Variants in GRM3 observed in about 807,000 individuals in gnomAD.
The protein encoded by GRM3 is metabotropic glutamate receptor 3.
GRM3 carries 26 observed loss-of-function variants against 70.5 expected under a neutral mutation model. That is an observed-to-expected ratio of 0.37 (90% CI 0.27 to 0.51). The LOEUF (loss-of-function observed/expected upper bound fraction) is 0.51. GRM3 is among the 20% of genes least tolerant of loss of function. The pLI is 0.93. For synonymous variants in GRM3, 443 were observed against 434.9 expected, an observed-to-expected ratio of 1.02 and a Z score of -0.23; for missense variants, 859 against 1,123.8, an observed-to-expected ratio of 0.76 and a Z score of 3.37.
chr7:86,822,655 T>C (rs1356932150), intron 3 of GRM3, among the ~76,000 whole-genome samples: 2 of 152,172 alleles, frequency 1.3e-5, no homozygotes, highest in Non-Finnish European at 1.5e-5. Flanking sequence ...CCAGATTGTG[T>C]GGGACTGTGA....
intron 3 of GRM3, among the ~76,000 whole-genome samples, chr7:86,821,200 T>C (rs1798113221): frequency 6.6e-6 from 1 of 152,052 alleles, no homozygotes. Context: ...AGAGAAAGAT[T>C]ATGTCATAAA....
At chr7:86,785,618 G>T (rs1439088657) in intron 2 of GRM3, among the ~76,000 whole-genome samples, 1 of 148,374 alleles carries the variant, frequency 6.7e-6, no homozygotes, top group Non-Finnish European at 1.5e-5. Flanking sequence ...GAAAATATTG[G>T]TCAAGATTTT....
At chr7:86,698,286 G>C (rs1253277494) in intron 1 of GRM3, among the ~76,000 whole-genome samples, 1 of 151,938 alleles carries the variant, frequency 6.6e-6, no homozygotes, top group African/African-American at 2.4e-5. Context: ...TTAATAGTCT[G>C]AGAGTAAAGG....
chr7:86,814,398 C>T (rs1348748150), intron 3 of GRM3, among the ~76,000 whole-genome samples: 1 of 151,678 alleles, frequency 6.6e-6, no homozygotes, highest in Non-Finnish European at 1.5e-5. Context: ...CCTCCCAAGT[C>T]CCCAGAGTCC....
intron 4 of GRM3, among the ~76,000 whole-genome samples, chr7:86,846,604 T>C (rs973554236): frequency 6.6e-6 from 1 of 152,160 alleles, no homozygotes; most frequent in African/African-American, 2.4e-5. Context: ...AGAGAAGAGT[T>C]AACAACAGCC....
At chr7:86,807,791 G>A (rs1797826896) in intron 3 of GRM3, among the ~76,000 whole-genome samples, 1 of 152,056 alleles carries the variant, frequency 6.6e-6, no homozygotes. Flanking sequence ...TGTTGAATAC[G>A]AGTGGTGAGA....
chr7:86,837,402 C>T (rs1232987862), intron 3 of GRM3, among the ~76,000 whole-genome samples: 1 of 152,090 alleles, frequency 6.6e-6, no homozygotes, highest in Non-Finnish European at 1.5e-5. Context: ...GAATGAAGCT[C>T]GCAGGGGAGG....
At chr7:86,696,920 T>C (rs912402562) in intron 1 of GRM3, among the ~76,000 whole-genome samples, 5 of 152,210 alleles carry the variant, frequency 3.3e-5, no homozygotes, top group Admixed American at 2.0e-4. Context: ...TGCTCTACTA[T>C]TCTGGCTCTC....
intron 1 of GRM3, among the ~76,000 whole-genome samples, chr7:86,652,080 C>T (rs1217880930): frequency 1.3e-5 from 2 of 152,138 alleles, no homozygotes; most frequent in Admixed American, 6.5e-5. Context: ...TACTTCACGA[C>T]CTTGTCTAAG....
chr7:86,848,395 G>A (rs1798695985), intron 4 of GRM3, among the ~76,000 whole-genome samples: 4 of 152,120 alleles, frequency 2.6e-5, no homozygotes, highest in South Asian at 2.1e-4. Context: ...ACAGTTCTTT[G>A]TGGCTAGATG....
At chr7:86,737,886 T>A (rs933990676) in intron 1 of GRM3, among the ~76,000 whole-genome samples, 2 of 152,170 alleles carry the variant, frequency 1.3e-5, no homozygotes, top group Non-Finnish European at 2.9e-5. Flanking sequence ...ACAAGAAGGA[T>A]AAATACTCTC....
intron 1 of GRM3, among the ~76,000 whole-genome samples, chr7:86,763,069 T>C (rs1796518476): frequency 6.6e-6 from 1 of 152,104 alleles, no homozygotes; most frequent in South Asian, 2.1e-4. Context: ...TGAATAGTAA[T>C]TGAGATTGTG....
In GRM3 at chr7:86,786,606, G is replaced by A. The variant is rs763792296; in HGVS notation, c.814G>A (p.Val272Met). ...ELLQKPNARVVVLFMRSDDSR... is the reference protein window; with the variant it reads ...ELLQKPNARVMVLFMRSDDSR... ...GTTGCAGAAGCCCAACGCGCGCGTC[G>A]TGGTCCTCTTCATGCGCAGCGACGA... The change falls in exon 3 of 6, where the codon GTG becomes ATG. Residue 272 changes from valine to methionine, a missense_variant. Transcript: ENST00000361669. This position sits in a 1 kb window ranked among gnomAD's most constrained non-coding sequence, Gnocchi z 6.0. 2 of 1,613,426 alleles carry A rather than the reference G, an allele frequency of 1.2e-6. No homozygotes were observed. The highest frequency in any genetic ancestry group is 1.7e-6 in the Non-Finnish European group (2 of 1,180,030).
chr7:86,697,732 C>G (rs1163249798), intron 1 of GRM3, among the ~76,000 whole-genome samples: 1 of 152,016 alleles, frequency 6.6e-6, no homozygotes, highest in African/African-American at 2.4e-5. Flanking sequence ...TGCAAACTTA[C>G]TTTCACAGAC....
chr7:86,720,265 G>C (rs1355674238), intron 1 of GRM3, among the ~76,000 whole-genome samples: 1 of 151,970 alleles, frequency 6.6e-6, no homozygotes, highest in Non-Finnish European at 1.5e-5. Context: ...AATCTGGCAG[G>C]ACACTGAGAT....
chr7:86,723,690 C>A (rs572288763), intron 1 of GRM3, among the ~76,000 whole-genome samples: 1 of 152,226 alleles, frequency 6.6e-6, no homozygotes, highest in East Asian at 1.9e-4. Context: ...GATGGTGTTG[C>A]CTGGGACACT....
chr7:86,744,323 C>T lies in GRM3; in HGVS notation c.-140-20683C>T, dbSNP rs754693862. Among the ~76,000 whole-genome samples, 120 of 151,836 alleles carry T rather than the reference C, an allele frequency of 7.9e-4. 1 individual carries two copies. Among genetic ancestry groups the T allele is most frequent in the Admixed American group, 3.7e-3 (57 of 15,238 alleles). Reference sequence around the variant, plus strand: ...CATAAGTTTTTGGGATACAGCCCTCCGCAATTATCTTAAGGGGTCCAGAAT... The same window carrying T: ...CATAAGTTTTTGGGATACAGCCCTCTGCAATTATCTTAAGGGGTCCAGAAT... On this transcript the variant is annotated intron_variant, in intron 1 of 5. Transcript: ENST00000361669.
chr7:86,798,092 G>A (rs1417188106), intron 3 of GRM3, among the ~76,000 whole-genome samples: 1 of 152,236 alleles, frequency 6.6e-6, no homozygotes, highest in Non-Finnish European at 1.5e-5. Flanking sequence ...GTGCTGCAGG[G>A]GTGGAGCCTT....
At chr7:86,657,352 T>A (rs1228704321) in intron 1 of GRM3, among the ~76,000 whole-genome samples, 3 of 152,118 alleles carry the variant, frequency 2.0e-5, no homozygotes, top group African/African-American at 4.8e-5. Flanking sequence ...GACCCCTAAG[T>A]GGATAATAAT....
Sources: allele counts gnomAD v4.1 joint callset (sites outside exome capture counted in the v4.1 genomes callset), GRCh38; gene constraint gnomAD v4.1.1; non-coding constraint Gnocchi (gnomAD v3.1); transcripts MANE v1.5; gene names NCBI Gene and HGNC (gene_info 2026-07-23, HGNC 2026-07-21).